ZC3H12C: variants seen among roughly 807,000 people sequenced by gnomAD.
The protein encoded by ZC3H12C is zinc finger CCCH-type containing 12C, also known as probable ribonuclease ZC3H12C.
In ZC3H12C, 20 loss-of-function variants were observed where a neutral mutation model predicts 76.3. The ratio of observed to expected loss-of-function variants is 0.26; its 90% CI spans 0.18 to 0.38. The LOEUF (loss-of-function observed/expected upper bound fraction) is 0.38. ZC3H12C is among the 10% of genes least tolerant of loss of function. The pLI is 1.00. For synonymous variants in ZC3H12C, 352 were observed against 399.6 expected (o/e 0.88, Z 1.42); for missense variants, 874 against 1,086.5 (o/e 0.80, Z 2.75).
At chr11:110,158,173 T>A (rs999592861) in intron 3 of ZC3H12C, among the ~76,000 whole-genome samples, 8 of 152,156 alleles carry the variant, frequency 5.3e-5, no homozygotes, top group Non-Finnish European at 1.0e-4. Flanking sequence ...GTACCCTTTT[T>A]TAAATCACAA....
chr11:110,151,897 G>T (rs902825237), intron 2 of ZC3H12C, among the ~76,000 whole-genome samples: 8 of 76,294 alleles, frequency 1.0e-4, no homozygotes, highest in Admixed American at 1.4e-4. Context: ...CCATATGTTA[G>T]ATGGTTCTAG....
In ZC3H12C at chr11:110,170,400, T is replaced by C. The variant is rs1047823662; in HGVS notation, c.*4663T>C. The C allele has an allele frequency of 7.9e-5, 12 of 152,316 alleles. No individual in the cohort carries two copies. The South Asian group carries it at 1.9e-3, about 24-fold the overall frequency. 9.4% of individuals were successfully genotyped at this position (152,316 alleles called of 1,614,324 possible). ...TACCAGTTACATTTTTCCATTGGTT[T>C]TGGCTTCTAATAAATAACATATCTG... is the stretch of plus-strand genomic sequence containing the variant. On this transcript the variant is annotated 3_prime_UTR_variant, in exon 6 of 6. Coordinates refer to ENST00000278590, the MANE Select transcript of ZC3H12C (RefSeq NM_033390.2).
chr11:110,138,002 C>T (rs188395893), intron 2 of ZC3H12C, among the ~76,000 whole-genome samples: 15 of 151,968 alleles, frequency 9.9e-5, no homozygotes, highest in African/African-American at 2.7e-4. Flanking sequence ...ACTTGTAATC[C>T]CAACACTTCG....
intron 2 of ZC3H12C, among the ~76,000 whole-genome samples, chr11:110,146,810 A>G (rs1008997245): frequency 6.6e-6 from 1 of 152,176 alleles, no homozygotes; most frequent in African/African-American, 2.4e-5. Context: ...TATCCTTACC[A>G]TCCACATACC....
chr11:110,110,003 C>T (rs1861398788), intron 1 of ZC3H12C, among the ~76,000 whole-genome samples: 1 of 152,110 alleles, frequency 6.6e-6, no homozygotes. Context: ...AAGTTACAGG[C>T]ACAAATGTTT....
At chr11:110,102,807 T>G (rs575304997) in intron 1 of ZC3H12C, among the ~76,000 whole-genome samples, 4 of 152,192 alleles carry the variant, frequency 2.6e-5, no homozygotes, top group Non-Finnish European at 1.5e-5. Context: ...ACCACCACCC[T>G]GATAAGTCAG....
chr11:110,157,766 C>T (rs187889063), intron 3 of ZC3H12C, among the ~76,000 whole-genome samples: 14 of 152,256 alleles, frequency 9.2e-5, no homozygotes, highest in African/African-American at 1.9e-4. Flanking sequence ...AGAGCTGACC[C>T]GTGTCACTCT....
At chr11:110,118,395 G>C (rs1364721852) in intron 1 of ZC3H12C, among the ~76,000 whole-genome samples, 3 of 152,068 alleles carry the variant, frequency 2.0e-5, no homozygotes, top group Non-Finnish European at 2.9e-5. Context: ...ATAAGAATAG[G>C]TGTTTCTTTA....
chr11:110,110,694 CT>C (rs1861410471), intron 1 of ZC3H12C, among the ~76,000 whole-genome samples: 1 of 108,746 alleles, frequency 9.2e-6, no homozygotes, highest in African/African-American at 3.7e-5. Context: ...AAGTTTCCTA[CT>C]CTTTAGTGTT....
At chr11:110,095,761 T>C (rs1369302959) in intron 1 of ZC3H12C, among the ~76,000 whole-genome samples, 1 of 152,174 alleles carries the variant, frequency 6.6e-6, no homozygotes, top group Non-Finnish European at 1.5e-5. Flanking sequence ...TTGGGAGTCA[T>C]TTCCAAATGA....
chr11:110,109,634 G>T (rs1261471452), intron 1 of ZC3H12C, among the ~76,000 whole-genome samples: 2 of 151,694 alleles, frequency 1.3e-5, no homozygotes, highest in Non-Finnish European at 2.9e-5. Flanking sequence ...ACCTTTATTT[G>T]GTTTGTCTGC....
intron 3 of ZC3H12C, among the ~76,000 whole-genome samples, chr11:110,157,624 C>T (rs1862401912): frequency 6.6e-6 from 1 of 151,936 alleles, no homozygotes; most frequent in African/African-American, 2.4e-5. Flanking sequence ...TTTGTAAAGA[C>T]AGGATTTTGC....
chr11:110,148,202 A>G (rs1337400426), intron 2 of ZC3H12C, among the ~76,000 whole-genome samples: 2 of 152,198 alleles, frequency 1.3e-5, no homozygotes, highest in Admixed American at 6.5e-5. Context: ...GATACCAATA[A>G]TCCCTTTGAG....
chr11:110,125,887 A>C (rs1039442094), intron 1 of ZC3H12C, among the ~76,000 whole-genome samples: 1 of 116,134 alleles, frequency 8.6e-6, no homozygotes, highest in Non-Finnish European at 1.8e-5. Context: ...GTCAGAGAAC[A>C]TAGTGCTGAA....
At chr11:110,160,012 G>T (rs1363649673) in intron 4 of ZC3H12C, among the ~76,000 whole-genome samples, 1 of 152,220 alleles carries the variant, frequency 6.6e-6, no homozygotes, top group African/African-American at 2.4e-5. Flanking sequence ...TTGCTTCCAG[G>T]CTACCAACTT....
At chr11:110,155,149 C>T (rs1191386317) in intron 3 of ZC3H12C, among the ~76,000 whole-genome samples, 1 of 151,924 alleles carries the variant, frequency 6.6e-6, no homozygotes, top group Admixed American at 6.6e-5. Context: ...ATTAGCTGGG[C>T]CTGGTGGCGG....
intron 2 of ZC3H12C, among the ~76,000 whole-genome samples, chr11:110,146,698 A>G (rs1591480134): frequency 6.6e-6 from 1 of 152,148 alleles, no homozygotes; most frequent in Non-Finnish European, 1.5e-5. Flanking sequence ...AACAATTCCA[A>G]CTGGGAAGGT....
At chr11:110,093,475 G>C (rs760351368) in intron 1 of ZC3H12C, 43 bp downstream of exon 1, 4 of 1,190,716 alleles carry the variant, frequency 3.4e-6, no homozygotes, top group South Asian at 4.2e-5. Context: ...ACCGCGGCGA[G>C]AGTGGTCCTG....
At chr11:110,146,934 C>T (rs1218407658) in intron 2 of ZC3H12C, among the ~76,000 whole-genome samples, 1 of 152,164 alleles carries the variant, frequency 6.6e-6, no homozygotes, top group Non-Finnish European at 1.5e-5. Flanking sequence ...TAGAAAATGC[C>T]TCAGTCAGCC....
Sources: gnomAD v4.1 joint callset for allele counts (sites outside exome capture counted in the v4.1 genomes callset) on GRCh38, gnomAD v4.1.1 for gene constraint, MANE v1.5 for transcripts, NCBI Gene and HGNC (gene_info 2026-07-23, HGNC 2026-07-21) for gene names.